Variants in TNKS observed in about 807,000 individuals in gnomAD.
The protein encoded by TNKS is tankyrase, also known as poly [ADP-ribose] polymerase tankyrase-1.
Under a neutral mutation model 135.8 loss-of-function variants are expected in TNKS, and 72 were observed. The ratio of observed to expected loss-of-function variants is 0.53; its 90% CI spans 0.44 to 0.64. TNKS has a LOEUF of 0.64. TNKS is among the 30% of genes least tolerant of loss of function. The probability of loss-of-function intolerance (pLI) is 0.00; values close to 1 mark genes in which losing one functional copy is unlikely to be tolerated. For missense variants in TNKS, 1,769 were observed against 1,674.0 expected (o/e 1.06, Z -0.99); for synonymous variants, 849 against 649.3 (o/e 1.31, Z -4.68).
chr8:9,713,155 A>G (rs1231453400), intron 11 of TNKS, among the ~76,000 whole-genome samples: 1 of 152,200 alleles, frequency 6.6e-6, no homozygotes, highest in African/African-American at 2.4e-5. Context: ...AAAAGGGAAC[A>G]GAGTTCTACA....
intron 11 of TNKS, among the ~76,000 whole-genome samples, chr8:9,715,454 C>G (rs1284378750): frequency 1.3e-5 from 2 of 151,980 alleles, no homozygotes; most frequent in African/African-American, 4.8e-5. Flanking sequence ...AAAAGGCCAC[C>G]TGGTACCACC....
rs1807406675 is a variant in TNKS at position 9,765,773 on chromosome 8, C to T, written c.3529C>T (p.His1177Tyr). Residue 1177 changes from histidine to tyrosine, a missense_variant, in exon 24 of 27, where the codon CAC becomes TAC. By Grantham distance (83) the His-to-Tyr change is moderately conservative (BLOSUM62 2). Coordinates refer to ENST00000310430, the MANE Select transcript of TNKS (RefSeq NM_003747.3). The stretch of plus-strand genomic sequence containing the variant: ...AGTGTCTGAGGAGAATCACAACCAT[C>T]ACAATGAGCGCATGTTGTTTCATGG... Reference protein sequence around the residue: ...KEVSEENHNHHNERMLFHGSP... With the variant: ...KEVSEENHNHYNERMLFHGSP... The T allele has an allele frequency of 6.2e-7, 1 of 1,613,928 alleles. No individual in the cohort carries two copies. The highest frequency in any genetic ancestry group is 8.5e-7 in the Non-Finnish European group (1 of 1,179,872).
chr8:9,556,374 C>G lies in TNKS; in HGVS notation c.435C>G (p.Ser145=). The G allele has an allele frequency of 6.2e-7, 1 of 1,614,226 alleles. No individual in the cohort carries two copies. The highest frequency in any genetic ancestry group is 2.2e-5 in the East Asian group (1 of 44,880). Residue 145 remains serine (S), a synonymous_variant, in exon 1 of 27, where the codon TCC becomes TCG. Coordinates refer to ENST00000310430, the MANE Select transcript of TNKS (RefSeq NM_003747.3). ...PTSSSSSSPS[S]PGSSLAESPE... ...CTTCCTCATCTTCCTCTCCATCCTC[C>G]CCTGGATCGAGCTTGGCGGAGAGCC...
chr8:9,600,203 C>T (rs1197178552), intron 2 of TNKS, among the ~76,000 whole-genome samples: 1 of 152,202 alleles, frequency 6.6e-6, no homozygotes, highest in Non-Finnish European at 1.5e-5. Flanking sequence ...AGTTTGGCCC[C>T]AGAAGCCAGC....
chr8:9,720,615 C>G (rs1165492029), intron 12 of TNKS, 70 bp downstream of exon 12: 46 of 1,460,900 alleles, frequency 3.1e-5, no homozygotes, highest in Non-Finnish European at 3.7e-5. Flanking sequence ...CACAGACAAA[C>G]TTTGCAGTGT....
At chr8:9,593,786 A>G (rs1421760383) in intron 2 of TNKS, among the ~76,000 whole-genome samples, 1 of 152,190 alleles carries the variant, frequency 6.6e-6, no homozygotes, top group East Asian at 1.9e-4. Flanking sequence ...GGAACTTGGA[A>G]TGGCACGGGA....
chr8:9,563,956 C>T lies in TNKS; in HGVS notation c.673+7344C>T, dbSNP rs576205579. Among the ~76,000 whole-genome samples the T allele has an allele frequency of 9.2e-5, 14 of 152,188 alleles. No homozygotes were observed. In the East Asian group the frequency reaches 2.7e-3, roughly 29 times the overall value. ...GTCTGAGATAGTTAAGGTAATCCCCCCTGTCCCTTTTTGTTGTGCTACACC... is the reference window on the plus strand; with the variant it reads ...GTCTGAGATAGTTAAGGTAATCCCCTCTGTCCCTTTTTGTTGTGCTACACC... On this transcript the variant is annotated intron_variant, in intron 1 of 26. Coordinates refer to ENST00000310430, the MANE Select transcript of TNKS (RefSeq NM_003747.3).
chr8:9,573,638 T>A lies in TNKS; in HGVS notation c.674-6521T>A, dbSNP rs765212582. Reference sequence around the variant, plus strand: ...CCCCAAACTTAGTTTACAGTTACTTTATCTGTTGGGTGTAATGGGATCTTT... The same window carrying A: ...CCCCAAACTTAGTTTACAGTTACTTAATCTGTTGGGTGTAATGGGATCTTT... On this transcript the variant is annotated intron_variant, in intron 1 of 26. Transcript: ENST00000310430. 9.9e-5 allele frequency among the ~76,000 whole-genome samples: 15 copies of A among 152,218 alleles called. No homozygotes were observed. The South Asian group carries it at 1.0e-3, about 10-fold the overall frequency.
At chr8:9,602,557 A>G (rs1034366848) in intron 2 of TNKS, among the ~76,000 whole-genome samples, 1 of 152,184 alleles carries the variant, frequency 6.6e-6, no homozygotes, top group Non-Finnish European at 1.5e-5. Flanking sequence ...GCCTGTGAGG[A>G]TACTAGCGGA....
chr8:9,732,385 C>G (rs1805489061), intron 14 of TNKS, among the ~76,000 whole-genome samples: 1 of 152,168 alleles, frequency 6.6e-6, no homozygotes, highest in Non-Finnish European at 1.5e-5. Context: ...CAGTAGCTTT[C>G]TGTGTAATTA....
chr8:9,751,644 GC>G lies in TNKS; in HGVS notation c.2873del (p.Pro958GlnfsTer14), dbSNP rs1806537959. ...DIRALLIDAMPPEALPTCFKP... is the reference protein window; with the variant it reads ...DIRALLIDAMXPEALPTCFKP... Reference sequence around the variant, plus strand: ...TCAGAGCTTTGCTGATAGATGCCATGCCCCCAGAGGCCTTACCTACCTGTTT... The same window carrying G: ...TCAGAGCTTTGCTGATAGATGCCATGCCCCAGAGGCCTTACCTACCTGTTT... On this transcript the variant is annotated frameshift_variant, in exon 19 of 27. Transcript: ENST00000310430. LOFTEE classifies it high-confidence loss of function. 6.2e-7 allele frequency: 1 copy of G among 1,613,950 alleles called. No homozygotes were observed. Among genetic ancestry groups the G allele is most frequent in the Admixed American group, 1.7e-5 (1 of 59,994 alleles).
At chr8:9,708,528 T>C in intron 9 of TNKS, 36 bp downstream of exon 9, 2 of 1,498,464 alleles carry the variant, frequency 1.3e-6, no homozygotes, top group South Asian at 1.4e-5. Context: ...CCTGTGTCTA[T>C]AATAATAACG....
chr8:9,756,955 TTTTTTG>T (rs2128831102), intron 20 of TNKS, among the ~76,000 whole-genome samples: 1 of 151,894 alleles, frequency 6.6e-6, no homozygotes, highest in South Asian at 2.1e-4. Flanking sequence ...TTGGTATACT[TTTTTTG>T]TTTTTGTTTG....
At chr8:9,708,599 C>A in intron 9 of TNKS, 107 bp downstream of exon 9, 1 of 1,158,322 alleles carries the variant, frequency 8.6e-7, no homozygotes, top group Non-Finnish European at 1.1e-6. Context: ...TCTGAAATGC[C>A]AGGAATTTGC....
At position 9,704,966 on chromosome 8, in the gene TNKS, T is replaced by C. The variant is rs528009689; in HGVS notation, c.1202+209T>C. On this transcript the variant is annotated intron_variant, in intron 6 of 26. Transcript: ENST00000310430. The stretch of plus-strand genomic sequence containing the variant: ...ATAATTTCCCAAATCAATTTAATTT[T>C]ATCACCGTTCTGTTACTTGAAGTTG... Among the ~76,000 whole-genome samples, 3 of 152,356 alleles carry C rather than the reference T, an allele frequency of 2.0e-5. No homozygotes were observed. The South Asian group carries it at 6.2e-4, about 32-fold the overall frequency.
chr8:9,694,874 A>G (rs147445373), intron 5 of TNKS, among the ~76,000 whole-genome samples: 179 of 152,314 alleles, frequency 1.2e-3, no homozygotes, highest in African/African-American at 4.0e-3. Context: ...AATAATAATA[A>G]TAGTCCTAAG....
chr8:9,626,452 C>T (rs771479855), intron 3 of TNKS, among the ~76,000 whole-genome samples: 1 of 152,168 alleles, frequency 6.6e-6, no homozygotes. Context: ...GTTTTAGCTA[C>T]TAAGTTTATG....
intron 1 of TNKS, among the ~76,000 whole-genome samples, chr8:9,574,021 AT>A (rs969287894): frequency 6.6e-6 from 1 of 152,196 alleles, no homozygotes; most frequent in Non-Finnish European, 1.5e-5. Flanking sequence ...ATATTGAAAT[AT>A]TTTTGAAAGG....
Position 9,706,174 on chromosome 8 carries a change from T to G in TNKS, c.1203-13T>G, listed in dbSNP as rs1426089861. 4 of 1,557,182 alleles carry G rather than the reference T, an allele frequency of 2.6e-6. No homozygotes were observed. In the African/African-American group the frequency reaches 5.6e-5, roughly 22 times the overall value. On this transcript the variant is annotated splice_polypyrimidine_tract_variant and intron_variant, in intron 6 of 26. Transcript: ENST00000310430. ...TGAAATTTAAGTATTTTAATTTGCCTCTTTTCATTTAGTGGACTTGTGCCT... is the reference window on the plus strand; with the variant it reads ...TGAAATTTAAGTATTTTAATTTGCCGCTTTTCATTTAGTGGACTTGTGCCT...
Sources: gnomAD v4.1 joint callset for allele counts (sites outside exome capture counted in the v4.1 genomes callset) on GRCh38, gnomAD v4.1.1 for gene constraint, MANE v1.5 for transcripts, NCBI Gene and HGNC (gene_info 2026-07-23, HGNC 2026-07-21) for gene names.